The following LRGUK variants were observed in gnomAD, a reference collection of about 807,000 sequenced individuals.
LRGUK encodes leucine-rich repeat and guanylate kinase domain-containing protein.
A neutral mutation model predicts 76.0 loss-of-function variants in LRGUK; 65 were observed. That is an observed-to-expected ratio of 0.85 (90% CI 0.70 to 1.05). The LOEUF is 1.05. LRGUK is among the 50% of genes least tolerant of loss of function. The probability of loss-of-function intolerance (pLI) is 0.00; values close to 1 mark genes in which losing one functional copy is unlikely to be tolerated. For synonymous variants in LRGUK, 268 were observed against 265.6 expected (o/e 1.01, Z -0.09); for missense variants, 758 against 732.8 (o/e 1.03, Z -0.40).
rs1345005035 is a variant in LRGUK at position 134,226,072 on chromosome 7, A to G, written c.1983+4154A>G. The stretch of plus-strand genomic sequence containing the variant: ...GTAATTGCAGCTGTCTCTGTCAAAA[A>G]CATTTATCTTAAATTATCCAAAAGA... On this transcript the variant is annotated intron_variant, in intron 16 of 19. Transcript: ENST00000285928. Among the ~76,000 whole-genome samples, 3 of 152,164 alleles carry G rather than the reference A, an allele frequency of 2.0e-5. 1 individual carries two copies. The East Asian group carries it at 5.8e-4, about 29-fold the overall frequency.
At chr7:134,170,601 T>C (rs1372493636) in intron 7 of LRGUK, among the ~76,000 whole-genome samples, 2 of 152,166 alleles carry the variant, frequency 1.3e-5, no homozygotes, top group Non-Finnish European at 2.9e-5. Flanking sequence ...GTTACCCTGA[T>C]TTGATCATTA....
In LRGUK at chr7:134,231,424, C is replaced by T. The variant is rs201821660; in HGVS notation, c.1983+9506C>T. On this transcript the variant is annotated intron_variant, in intron 16 of 19. Transcript: ENST00000285928. Reference sequence around the variant, plus strand: ...AAAAGGACCTTCCTTTTTTTCCTTCCTCCCTTCCTTTCTTCTTTCCTTTCT... The same window carrying T: ...AAAAGGACCTTCCTTTTTTTCCTTCTTCCCTTCCTTTCTTCTTTCCTTTCT... Among the ~76,000 whole-genome samples, 21 of 137,210 alleles carry T rather than the reference C, an allele frequency of 1.5e-4. No homozygotes were observed. In the East Asian group the frequency reaches 4.7e-3, roughly 31 times the overall value. 90.0% of individuals were successfully genotyped at this position (137,210 alleles called of 152,430 possible). A position where few individuals can be genotyped will look rare whatever the true frequency, so the allele number is the denominator to read the frequency against.
At chr7:134,144,421 A>T (rs112912364) in intron 4 of LRGUK, among the ~76,000 whole-genome samples, 1 of 151,960 alleles carries the variant, frequency 6.6e-6, no homozygotes, top group Non-Finnish European at 1.5e-5. Context: ...TTACAGGTGT[A>T]AGCCACCACG....
intron 3 of LRGUK, among the ~76,000 whole-genome samples, chr7:134,141,192 T>C (rs442352): frequency 0.26 from 39,313 of 152,086 alleles, 6,421 homozygotes; most frequent in South Asian, 0.38. Flanking sequence ...GAAAGCCTCC[T>C]GTGTGTAAAG....
exon 17 of LRGUK, chr7:134,247,621 T>C (rs1361245848): frequency 6.2e-7 from 1 of 1,612,930 alleles, no homozygotes; most frequent in Admixed American, 1.7e-5. Context: ...GGATACGCCC[T>C]GATCACACAC....
At chr7:134,130,420 T>C (rs1797252134) in intron 1 of LRGUK, among the ~76,000 whole-genome samples, 1 of 152,204 alleles carries the variant, frequency 6.6e-6, no homozygotes, top group African/African-American at 2.4e-5. Context: ...TAACAAACCA[T>C]AGAAGGGGTT....
At chr7:134,215,936 G>C (rs781373211) in intron 15 of LRGUK, among the ~76,000 whole-genome samples, 5 of 152,296 alleles carry the variant, frequency 3.3e-5, no homozygotes, top group African/African-American at 4.8e-5. Context: ...GATTATGAGA[G>C]TGCAGTCATG....
chr7:134,250,069 G>A (rs1802407340), intron 18 of LRGUK, among the ~76,000 whole-genome samples: 1 of 152,144 alleles, frequency 6.6e-6, no homozygotes, highest in Admixed American at 6.6e-5. Flanking sequence ...CTCTTCAGAA[G>A]GGGGCTGTGG....
downstream of LRGUK, among the ~76,000 whole-genome samples, chr7:134,267,937 T>C (rs752672279): frequency 1.5e-4 from 23 of 150,110 alleles, no homozygotes; most frequent in Non-Finnish European, 2.7e-4. Context: ...AAAAAAAATA[T>C]GTTGAACTGA....
At chr7:134,183,743 C>G in exon 11 of LRGUK, 1 of 1,613,970 alleles carries the variant, frequency 6.2e-7, no homozygotes, top group Non-Finnish European at 8.5e-7. Flanking sequence ...GCACTCTTCC[C>G]AGCCTGGATG....
intron 16 of LRGUK, among the ~76,000 whole-genome samples, chr7:134,236,623 T>C (rs1420523393): frequency 6.6e-6 from 1 of 152,232 alleles, no homozygotes; most frequent in African/African-American, 2.4e-5. Flanking sequence ...GGTATTTATT[T>C]TTCATTAAAA....
intron 18 of LRGUK, among the ~76,000 whole-genome samples, chr7:134,252,741 A>G (rs1802480629): frequency 6.6e-6 from 1 of 152,132 alleles, no homozygotes; most frequent in South Asian, 2.1e-4. Flanking sequence ...TCTGCTTGCC[A>G]TTCAAACATA....
chr7:134,156,404 G>T (rs1377064871), intron 5 of LRGUK, among the ~76,000 whole-genome samples: 1 of 152,028 alleles, frequency 6.6e-6, no homozygotes, highest in Non-Finnish European at 1.5e-5. Flanking sequence ...TATTTAAAAA[G>T]TAATAGTAAG....
intron 5 of LRGUK, among the ~76,000 whole-genome samples, chr7:134,153,817 T>C (rs1443167430): frequency 2.0e-5 from 3 of 152,182 alleles, no homozygotes; most frequent in Non-Finnish European, 4.4e-5. Context: ...TCTTTCAGGA[T>C]TGGTTTTGAT....
chr7:134,128,050 A>G (rs1797097606), intron 1 of LRGUK, among the ~76,000 whole-genome samples: 1 of 150,548 alleles, frequency 6.6e-6, no homozygotes, highest in Admixed American at 6.6e-5. Flanking sequence ...CCTGTTGCCC[A>G]TGGCTATGAC....
intron 7 of LRGUK, among the ~76,000 whole-genome samples, chr7:134,172,420 C>CT (rs377227931): frequency 2.6e-5 from 4 of 151,998 alleles, no homozygotes; most frequent in African/African-American, 9.7e-5. Context: ...GATGGTGATG[C>CT]TTAGAGACTA....
In LRGUK at chr7:134,127,391, C is replaced by T. The variant is rs199883304; in HGVS notation, c.24C>T (p.Leu8=). Residue 8 remains leucine (L), a synonymous_variant, in exon 1 of 16, where the codon CTC becomes CTT. Coordinates refer to ENST00000645682, the Ensembl canonical transcript of LRGUK. The stretch of plus-strand genomic sequence containing the variant: ...AGATGGCGACCTCCGAGAGGGCTCT[C>T]CTGAGGACCAGAGCTGCCTCTCTCC... 3.4e-5 allele frequency: 55 copies of T among 1,613,170 alleles called. No homozygotes were observed. The East Asian group carries it at 1.2e-3, about 35-fold the overall frequency.
rs1405308138 is a variant in LRGUK, at chr7:134,221,893, A to C, written c.1958A>C (p.Lys653Thr). The C allele has an allele frequency of 6.3e-7, 1 of 1,595,556 alleles. No individual in the cohort carries two copies. The highest frequency in any genetic ancestry group is 8.5e-7 in the Non-Finnish European group (1 of 1,172,850). The change falls in exon 16 of 20, where the codon AAA becomes ACA. Residue 653 changes from lysine to threonine, a missense_variant. Lys to Thr is a moderately conservative substitution (Grantham distance 78, BLOSUM62 -1). Transcript: ENST00000285928. ...AACTACCTCATTAAATTTTGGGCCAAACTTTCAGCCAAAAAAACACCAGCG... is the reference window on the plus strand; with the variant it reads ...AACTACCTCATTAAATTTTGGGCCACACTTTCAGCCAAAAAAACACCAGCG...
intron 15 of LRGUK, among the ~76,000 whole-genome samples, chr7:134,205,404 A>T (rs1267825927): frequency 1.3e-5 from 2 of 152,196 alleles, no homozygotes; most frequent in East Asian, 3.9e-4. Context: ...CCAGAGTCCC[A>T]GCAGAGTCAC....
Sources: gnomAD v4.1 joint callset for allele counts (sites outside exome capture counted in the v4.1 genomes callset) on GRCh38, gnomAD v4.1.1 for gene constraint, MANE v1.5 for transcripts, NCBI Gene and HGNC (gene_info 2026-07-23, HGNC 2026-07-21) for gene names.